Variants in KLRD1 observed in about 807,000 individuals in gnomAD.
KLRD1 encodes killer cell lectin like receptor D1.
KLRD1 carries 21 observed loss-of-function variants against 22.6 expected under a neutral mutation model. The observed-to-expected ratio is 0.93, with a 90% CI of 0.66 to 1.34. KLRD1 has a LOEUF of 1.34. Among genes scored for constraint, KLRD1 ranks in the 40% most tolerant of loss-of-function variants. The pLI, the probability that KLRD1 is intolerant of heterozygous loss-of-function variation, is 0.00. For synonymous variants in KLRD1, 59 were observed against 71.1 expected (o/e 0.83, Z 0.85); for missense variants, 183 against 208.6 (o/e 0.88, Z 0.76).
In KLRD1 at chr12:10,239,477, C is replaced by CTTTCCTTATT. The variant is rs1565443229; in HGVS notation, c.-101+13244_-101+13245insTTTCCTTATT. Among the ~76,000 whole-genome samples, 34 of 102,558 alleles carry CTTTCCTTATT rather than the reference C, an allele frequency of 3.3e-4. 1 individual carries two copies. The highest frequency in any genetic ancestry group is 1.5e-3 in the African/African-American group (33 of 22,420). The allele number at this position is 102,558 out of a possible 152,430, so 67.3% of individuals were successfully genotyped here. On this transcript the variant is annotated intron_variant, in intron 1 of 5. Transcript: ENST00000544747. ...TCCTTCCTTCCTTCCTTCCTTCCTT[C>CTTTCCTTATT]CTTCCTTCTTCCTTCCTTCCTTCCT...
chr12:10,327,990 C>T lies in KLRD1; in HGVS notation c.*13197C>T, dbSNP rs1950376268. The T allele has an allele frequency of 6.6e-6, 1 of 152,004 alleles. No individual in the cohort carries two copies. Among genetic ancestry groups the T allele is most frequent in the Non-Finnish European group, 1.5e-5 (1 of 67,992 alleles). 9.4% of individuals were successfully genotyped at this position (152,004 alleles called of 1,614,324 possible). On this transcript the variant is annotated 3_prime_UTR_variant, in exon 6 of 6. Transcript: ENST00000336164. Reference sequence around the variant, plus strand: ...AATTGATTTTGTATGTTAGGCTATCCTTGCACCCCAGGGATAAATGCCACT... The same window carrying T: ...AATTGATTTTGTATGTTAGGCTATCTTTGCACCCCAGGGATAAATGCCACT...
chr12:10,307,102 G>A (rs781443443), upstream of KLRD1, among the ~76,000 whole-genome samples: 10 of 151,982 alleles, frequency 6.6e-5, no homozygotes, highest in Non-Finnish European at 1.5e-4. Context: ...AATTTGACCT[G>A]TTCCACATTT....
At position 10,328,975 on chromosome 12, in the gene KLRD1, G is replaced by C. The variant is rs1950386345; in HGVS notation, c.*14182G>C. On this transcript the variant is annotated 3_prime_UTR_variant, in exon 6 of 6. Coordinates refer to ENST00000336164, the MANE Select transcript of KLRD1 (RefSeq NM_002262.5). Reference sequence around the variant, plus strand: ...GATTCACTACCATGAGAACAGTATGGGGGAAACCACCCCCATGATTCAATT... The same window carrying C: ...GATTCACTACCATGAGAACAGTATGCGGGAAACCACCCCCATGATTCAATT... 2 of 152,050 alleles carry C rather than the reference G, an allele frequency of 1.3e-5. No individual in the cohort carries two copies. The highest frequency in any genetic ancestry group is 2.9e-5 in the Non-Finnish European group (2 of 68,010). The allele number at this position is 152,050 out of a possible 1,614,324, so 9.4% of individuals were successfully genotyped here.
At chr12:10,275,664 T>A (rs1045403353) in intron 1 of KLRD1, among the ~76,000 whole-genome samples, 5 of 152,218 alleles carry the variant, frequency 3.3e-5, no homozygotes, top group African/African-American at 1.2e-4. Context: ...TACAATGGAA[T>A]GTTATTTTAG....
intron 1 of KLRD1, among the ~76,000 whole-genome samples, chr12:10,294,528 A>T (rs1246980398): frequency 1.4e-5 from 2 of 144,988 alleles, no homozygotes; most frequent in Non-Finnish European, 3.0e-5. Flanking sequence ...CCTCCTGAGT[A>T]GCTGGGACTA....
chr12:10,260,964 C>CA (rs1949447830), intron 1 of KLRD1, among the ~76,000 whole-genome samples: 8 of 23,996 alleles, frequency 3.3e-4, no homozygotes, highest in Admixed American at 1.8e-3. Context: ...CAACAAAAAA[C>CA]CAAAAAAAAA....
intron 1 of KLRD1, among the ~76,000 whole-genome samples, chr12:10,292,873 G>A (rs1949782647): frequency 6.6e-6 from 1 of 151,978 alleles, no homozygotes; most frequent in South Asian, 2.1e-4. Context: ...CTGTTGTTTA[G>A]TGTAGCCACC....
intron 1 of KLRD1, among the ~76,000 whole-genome samples, chr12:10,262,695 A>G (rs1208852471): frequency 2.0e-5 from 3 of 152,202 alleles, no homozygotes; most frequent in East Asian, 3.9e-4. Context: ...TCTTTAAGAC[A>G]ATGAACTGAA....
At position 10,315,419 on chromosome 12, in the gene KLRD1, C is replaced by A; in HGVS notation, c.*626C>A. ...GGGATTATAGGTGTGAACCACCATCCCTGGCCCTCTTCACATTCTTGTATG... is the reference window on the plus strand; with the variant it reads ...GGGATTATAGGTGTGAACCACCATCACTGGCCCTCTTCACATTCTTGTATG... On this transcript the variant is annotated 3_prime_UTR_variant, in exon 6 of 6. Coordinates refer to ENST00000336164, the MANE Select transcript of KLRD1 (RefSeq NM_002262.5). 1 of 221,292 alleles carries A rather than the reference C, an allele frequency of 4.5e-6. No homozygotes were observed. Among genetic ancestry groups the A allele is most frequent in the South Asian group, 5.0e-5 (1 of 20,188 alleles). 13.7% of individuals were successfully genotyped at this position (221,292 alleles called of 1,614,324 possible).
chr12:10,282,227 A>G (rs1042685846), intron 1 of KLRD1, among the ~76,000 whole-genome samples: 72 of 152,306 alleles, frequency 4.7e-4, no homozygotes, highest in African/African-American at 1.5e-3. Context: ...ACAAATATCA[A>G]ATAAAAACAT....
In KLRD1 at chr12:10,286,619, T is replaced by C. The variant is rs1047530638; in HGVS notation, c.-100-21359T>C. ...GGATTGATTAGAAATTAGTTTTGAA[T>C]GCAAAATAGTCTTTGAATCATCATT... is the stretch of plus-strand genomic sequence containing the variant. On this transcript the variant is annotated intron_variant, in intron 1 of 5. Transcript: ENST00000544747. Among the ~76,000 whole-genome samples the C allele has an allele frequency of 2.7e-5, 4 of 149,068 alleles. No individual in the cohort carries two copies. In the South Asian group the frequency reaches 8.5e-4, roughly 32 times the overall value.
intron 1 of KLRD1, among the ~76,000 whole-genome samples, chr12:10,245,304 G>A (rs950105885): frequency 1.3e-5 from 2 of 152,134 alleles, no homozygotes; most frequent in Non-Finnish European, 2.9e-5. Context: ...GTTGCAATGA[G>A]CCAAGATTGC....
chr12:10,274,580 A>G lies in KLRD1; in HGVS notation c.-100-33398A>G, dbSNP rs542261864. Among the ~76,000 whole-genome samples, 68 of 152,276 alleles carry G rather than the reference A, an allele frequency of 4.5e-4. 1 individual carries two copies. In the South Asian group the frequency reaches 5.4e-3, roughly 12 times the overall value. On this transcript the variant is annotated intron_variant, in intron 1 of 5. Coordinates refer to the KLRD1 transcript ENST00000544747. ...CCTGGAGGCGTTTGTCTAAACTGCCATATGTTTAATTTCTTTTTCATGCTG... is the reference window on the plus strand; with the variant it reads ...CCTGGAGGCGTTTGTCTAAACTGCCGTATGTTTAATTTCTTTTTCATGCTG...
At position 10,271,337 on chromosome 12, in the gene KLRD1, C is replaced by A. The variant is rs112316027; in HGVS notation, c.-100-36641C>A. On this transcript the variant is annotated intron_variant, in intron 1 of 5. Coordinates refer to the KLRD1 transcript ENST00000544747. ...ACCAGGAAATTGTGTATGAAACATT[C>A]TTTTTCCATGATCTTGGTACACCAT... Among the ~76,000 whole-genome samples, 160 of 152,196 alleles carry A rather than the reference C, an allele frequency of 1.1e-3. 3 individuals are homozygous for A. The highest frequency in any genetic ancestry group is 3.5e-3 in the African/African-American group (145 of 41,546).
In KLRD1 at chr12:10,327,904, A is replaced by C. The variant is rs1203181287; in HGVS notation, c.*13111A>C. 6.6e-6 allele frequency: 1 copy of C among 152,148 alleles called. No individual in the cohort carries two copies. The highest frequency in any genetic ancestry group is 6.5e-5 in the Admixed American group (1 of 15,268). The allele number at this position is 152,148 out of a possible 1,614,324, so 9.4% of individuals were successfully genotyped here. The stretch of plus-strand genomic sequence containing the variant: ...AAATTTTGTGAAAACTTTTTTTCTG[A>C]ATCTATTGAGATGCACAGGTGACAT... On this transcript the variant is annotated 3_prime_UTR_variant, in exon 6 of 6. Coordinates refer to ENST00000336164, the MANE Select transcript of KLRD1 (RefSeq NM_002262.5).
At chr12:10,262,050 C>A (rs940598807) in intron 1 of KLRD1, among the ~76,000 whole-genome samples, 1 of 151,958 alleles carries the variant, frequency 6.6e-6, no homozygotes, top group African/African-American at 2.4e-5. Flanking sequence ...AATCTAAAAT[C>A]ATTTTAAGGT....
At chr12:10,291,688 A>C (rs866548169) in intron 1 of KLRD1, among the ~76,000 whole-genome samples, 4 of 151,000 alleles carry the variant, frequency 2.6e-5, no homozygotes, top group Non-Finnish European at 5.9e-5. Flanking sequence ...GGTTTGTTAC[A>C]TAGGTATACA....
In KLRD1 at chr12:10,292,373, G is replaced by A. The variant is rs554643742; in HGVS notation, c.-100-15605G>A. Among the ~76,000 whole-genome samples, 18 of 152,294 alleles carry A rather than the reference G, an allele frequency of 1.2e-4. No homozygotes were observed. In the East Asian group the frequency reaches 3.1e-3, roughly 26 times the overall value. On this transcript the variant is annotated intron_variant, in intron 1 of 5. Coordinates refer to the KLRD1 transcript ENST00000544747. ...ACTATTTATTTAATAAATACAAAAT[G>A]TATATCTTAAATAATATGACTTAAA...
intron 1 of KLRD1, among the ~76,000 whole-genome samples, chr12:10,299,418 A>C (rs1949848958): frequency 6.6e-6 from 1 of 152,226 alleles, no homozygotes; most frequent in African/African-American, 2.4e-5. Flanking sequence ...GTTTGATTAG[A>C]GAACACCACA....
Sources: gnomAD v4.1 joint callset for allele counts (sites outside exome capture counted in the v4.1 genomes callset) on GRCh38, gnomAD v4.1.1 for gene constraint, MANE v1.5 for transcripts, NCBI Gene and HGNC (gene_info 2026-07-23, HGNC 2026-07-21) for gene names.